Variants in HYCC1 observed in about 807,000 individuals in gnomAD.
HYCC1 encodes hyccin.
At chr7:22,930,318 T>C in the HYCC1 span, among the ~76,000 whole-genome samples, 1 of 134,204 alleles carries the variant, frequency 7.5e-6, no homozygotes, top group South Asian at 2.2e-4. Context: ...ATTGTGCACA[T>C]GTACCCTAAA....
At chr7:22,922,264 A>G in the HYCC1 span, among the ~76,000 whole-genome samples, 1 of 152,238 alleles carries the variant, frequency 6.6e-6, no homozygotes, top group Non-Finnish European at 1.5e-5. Context: ...TCCAATTGAA[A>G]GACAGCGATT....
chr7:22,945,819 C>A, the HYCC1 span: 2 of 1,613,784 alleles, frequency 1.2e-6, no homozygotes, highest in Non-Finnish European at 1.7e-6. Context: ...ACAGTCGCTG[C>A]GGTCTTAGCC....
At chr7:22,962,746 C>T in the HYCC1 span, among the ~76,000 whole-genome samples, 2 of 151,258 alleles carry the variant, frequency 1.3e-5, no homozygotes, top group East Asian at 3.9e-4. Context: ...TACCTCCCCC[C>T]ATTTCCATGC....
the HYCC1 span, chr7:22,937,572 A>G: frequency 6.6e-6 from 1 of 152,236 alleles, no homozygotes; most frequent in East Asian, 1.9e-4. Context: ...ATCTCCATGA[A>G]GAATATTAGA....
chr7:22,934,821 ACTGCC>A, the HYCC1 span: 1 of 152,234 alleles, frequency 6.6e-6, no homozygotes, highest in Non-Finnish European at 1.5e-5. Context: ...TTAGAGTCTT[ACTGCC>A]CAAAGTTTGT....
At chr7:22,997,473 A>G in the HYCC1 span, among the ~76,000 whole-genome samples, 2 of 152,194 alleles carry the variant, frequency 1.3e-5, no homozygotes, top group East Asian at 3.8e-4. Flanking sequence ...CTCCTATGCA[A>G]TGAGGCCATT....
At chr7:22,960,178 A>G in the HYCC1 span, 1 of 1,422,078 alleles carries the variant, frequency 7.0e-7, no homozygotes, top group Non-Finnish European at 9.9e-7. Flanking sequence ...TGAAGTTAGA[A>G]GTTATAGCAC....
At chr7:22,945,657 G>C in the HYCC1 span, 1 of 1,613,808 alleles carries the variant, frequency 6.2e-7, no homozygotes, top group East Asian at 2.2e-5. Flanking sequence ...TTCATTGGAA[G>C]TTCAGTTCTT....
At chr7:22,901,301 G>A in the HYCC1 span, among the ~76,000 whole-genome samples, 1 of 146,370 alleles carries the variant, frequency 6.8e-6, no homozygotes, top group South Asian at 2.2e-4. Flanking sequence ...GCAACCCAGA[G>A]GAAGTCAGAA....
At chr7:23,004,485 A>T in the HYCC1 span, among the ~76,000 whole-genome samples, 1 of 152,224 alleles carries the variant, frequency 6.6e-6, no homozygotes, top group Admixed American at 6.5e-5. Context: ...TATGATTTCC[A>T]TGAAGAGGCT....
At chr7:22,960,504 G>T in the HYCC1 span, 1 of 1,063,220 alleles carries the variant, frequency 9.4e-7, no homozygotes, top group Non-Finnish European at 1.4e-6. Flanking sequence ...ATGCTAAACA[G>T]GCTTATACAA....
At chr7:22,929,223 A>G in the HYCC1 span, among the ~76,000 whole-genome samples, 3 of 152,242 alleles carry the variant, frequency 2.0e-5, no homozygotes, top group African/African-American at 7.2e-5. Context: ...TGTTAGACCT[A>G]AAACCACAAA....
the HYCC1 span, among the ~76,000 whole-genome samples, chr7:22,913,664 C>T: frequency 1.3e-5 from 2 of 152,366 alleles, no homozygotes; most frequent in East Asian, 3.9e-4. Context: ...CTCCCTTTTA[C>T]TGTAATTTTC....
At chr7:22,958,501 TAAG>T in the HYCC1 span, among the ~76,000 whole-genome samples, 8 of 152,126 alleles carry the variant, frequency 5.3e-5, no homozygotes, top group Non-Finnish European at 1.2e-4. Context: ...GTACAGGTGA[TAAG>T]AATGCTACTT....
the HYCC1 span, among the ~76,000 whole-genome samples, chr7:22,987,621 A>T: frequency 6.6e-6 from 1 of 152,218 alleles, no homozygotes; most frequent in Non-Finnish European, 1.5e-5. Flanking sequence ...CCAAATTTTC[A>T]ATTTCAAAAA....
chr7:22,941,443 T>C, the HYCC1 span: 1 of 152,136 alleles, frequency 6.6e-6, no homozygotes, highest in Non-Finnish European at 1.5e-5. Flanking sequence ...TCTTTAGGAA[T>C]GTAAACTCTA....
the HYCC1 span, among the ~76,000 whole-genome samples, chr7:22,913,196 G>C: frequency 2.0e-5 from 3 of 152,022 alleles, no homozygotes; most frequent in East Asian, 5.8e-4. Context: ...CTAAAGACTA[G>C]TCTCAAAAAC....
chr7:22,908,619 T>C, the HYCC1 span, among the ~76,000 whole-genome samples: 1 of 152,168 alleles, frequency 6.6e-6, no homozygotes, highest in African/African-American at 2.4e-5. Flanking sequence ...CCTGAACACC[T>C]TTCCAGCCTC....
chr7:23,012,642 T>C, the HYCC1 span, among the ~76,000 whole-genome samples: 380 of 152,288 alleles, frequency 2.5e-3, 1 homozygote, highest in African/African-American at 8.3e-3. Context: ...TTCAAAAATA[T>C]GGTGGTTTAG....
Sources: gnomAD v4.1 joint callset for allele counts (sites outside exome capture counted in the v4.1 genomes callset) on GRCh38, gnomAD v4.1.1 for gene constraint, MANE v1.5 for transcripts, NCBI Gene and HGNC (gene_info 2026-07-23, HGNC 2026-07-21) for gene names.